Variants in RASSF5 observed in about 807,000 individuals in gnomAD.
RASSF5 encodes the protein Ras association domain family member 5.
In RASSF5, 25 loss-of-function variants were observed where a neutral mutation model predicts 40.5. The observed-to-expected ratio is 0.62, with a 90% CI of 0.45 to 0.86. The LOEUF is 0.86. Ranked by LOEUF, RASSF5 falls within the 40% of genes least tolerant of loss-of-function variation. The pLI, the probability that RASSF5 is intolerant of heterozygous loss-of-function variation, is 0.00. For missense variants in RASSF5, 521 were observed against 572.8 expected (o/e 0.91, Z 0.92); for synonymous variants, 246 against 252.4 (o/e 0.97, Z 0.24).
chr1:206,581,636 G>GGA (rs1241313149), intron 2 of RASSF5, among the ~76,000 whole-genome samples: 14 of 150,636 alleles, frequency 9.3e-5, no homozygotes, highest in African/African-American at 2.9e-4. Context: ...GAGAGAGGGG[G>GGA]GAGAGAGAGA....
At chr1:206,544,980 A>C (rs1449335974) in intron 2 of RASSF5, 1 of 151,240 alleles carries the variant, frequency 6.6e-6, no homozygotes, top group East Asian at 1.9e-4. Flanking sequence ...CACGTGGGGG[A>C]GCCAGAGAGC....
chr1:206,584,717 C>T lies in RASSF5; in HGVS notation c.988+33C>T. On this transcript the variant is annotated intron_variant, in intron 4 of 5. Coordinates refer to ENST00000579436, the MANE Select transcript of RASSF5 (RefSeq NM_182663.4). The surrounding 1 kb of genome is among the most constrained non-coding windows in gnomAD (Gnocchi z 4.9). The stretch of plus-strand genomic sequence containing the variant: ...AAAGAGTGAACCCAACCAGACCGTT[C>T]CCTTCCTACCTGTGTCCAAGCCCAC... 1 of 1,611,472 alleles carries T rather than the reference C, an allele frequency of 6.2e-7. No homozygotes were observed. Among genetic ancestry groups the T allele is most frequent in the Non-Finnish European group, 8.5e-7 (1 of 1,178,182 alleles).
intron 2 of RASSF5, among the ~76,000 whole-genome samples, chr1:206,570,986 G>T (rs1487339266): frequency 6.6e-6 from 1 of 152,130 alleles, no homozygotes; most frequent in Non-Finnish European, 1.5e-5. Context: ...TGGTAATTCT[G>T]TTTAATTTTT....
At chr1:206,542,303 T>C (rs1572324353) in intron 2 of RASSF5, 2 of 152,192 alleles carry the variant, frequency 1.3e-5, no homozygotes, top group African/African-American at 4.8e-5. Context: ...CCTGCAATAA[T>C]GAATGAGCTC....
At chr1:206,518,365 A>T in intron 1 of RASSF5, 1 of 398,616 alleles carries the variant, frequency 2.5e-6, no homozygotes. Context: ...CCTGGAGAAA[A>T]GCTATTGATC....
At position 206,579,889 on chromosome 1, in the gene RASSF5, T is replaced by C. The variant is rs528797042; in HGVS notation, c.580-3380T>C. Among the ~76,000 whole-genome samples the C allele has an allele frequency of 2.0e-5, 3 of 152,286 alleles. No individual in the cohort carries two copies. The highest frequency in any genetic ancestry group is 4.8e-5 in the African/African-American group (2 of 41,572). ...CTAATTCAGGAGGTGATTCATTTGG[T>C]CCATGGGTCACATCTTGTCTGCCAG... On this transcript the variant is annotated intron_variant, in intron 2 of 5. Transcript: ENST00000579436. This position sits in a 1 kb window ranked among gnomAD's most constrained non-coding sequence, Gnocchi z 4.2.
intron 1 of RASSF5, among the ~76,000 whole-genome samples, chr1:206,528,676 G>A (rs1427185216): frequency 6.6e-6 from 1 of 152,080 alleles, no homozygotes; most frequent in African/African-American, 2.4e-5. Flanking sequence ...GGGGTATAAA[G>A]GAACTTTCTG....
intron 1 of RASSF5, among the ~76,000 whole-genome samples, chr1:206,527,094 C>T (rs1553397321): frequency 6.6e-6 from 1 of 152,188 alleles, no homozygotes; most frequent in Non-Finnish European, 1.5e-5. Flanking sequence ...CAGGCTCAAA[C>T]CCTGATTCAT....
At chr1:206,518,907 A>G (rs1666832196) in intron 1 of RASSF5, among the ~76,000 whole-genome samples, 1 of 151,314 alleles carries the variant, frequency 6.6e-6, no homozygotes, top group East Asian at 1.9e-4. Flanking sequence ...CATTCTGCCT[A>G]TCCTGTAGCC....
chr1:206,522,207 G>A (rs1558497506), intron 1 of RASSF5, among the ~76,000 whole-genome samples: 1 of 152,110 alleles, frequency 6.6e-6, no homozygotes, highest in African/African-American at 2.4e-5. Flanking sequence ...TGAGCTATGG[G>A]AGGCCCTCAG....
At chr1:206,518,047 C>T (rs1307999434) in intron 1 of RASSF5, among the ~76,000 whole-genome samples, 4 of 152,196 alleles carry the variant, frequency 2.6e-5, no homozygotes, top group African/African-American at 9.7e-5. Flanking sequence ...TCACTTCTGT[C>T]GTCTGAAACT....
At position 206,583,090 on chromosome 1, in the gene RASSF5, C is replaced by A. The variant is rs781879968; in HGVS notation, c.580-179C>A. On this transcript the variant is annotated intron_variant, in intron 2 of 5. Transcript: ENST00000579436. ...TACTTCTCCAGGAGGGCTGGCTAGA[C>A]ACTGGCACAGCTGCAATTTGACCTC... 7.2e-6 allele frequency: 4 copies of A among 552,912 alleles called. No individual in the cohort carries two copies. In the South Asian group the frequency reaches 7.8e-5, roughly 11 times the overall value. 34.3% of individuals were successfully genotyped at this position (552,912 alleles called of 1,614,324 possible).
In RASSF5 at chr1:206,528,438, G is replaced by A. The variant is rs1001839546; in HGVS notation, c.458-9734G>A. On this transcript the variant is annotated intron_variant, in intron 1 of 5. Transcript: ENST00000579436. ...GGGATAAATAGGCAGAGCACAGCGGGTTTTTAGGGCAGCGAAACTACCCTG... is the reference window on the plus strand; with the variant it reads ...GGGATAAATAGGCAGAGCACAGCGGATTTTTAGGGCAGCGAAACTACCCTG... Among the ~76,000 whole-genome samples, 12 of 152,242 alleles carry A rather than the reference G, an allele frequency of 7.9e-5. No individual in the cohort carries two copies. The East Asian group carries it at 2.3e-3, about 29-fold the overall frequency.
At position 206,583,285 on chromosome 1, in the gene RASSF5, T is replaced by C. The variant is rs1331153170; in HGVS notation, c.596T>C (p.Val199Ala). Residue 199 changes from valine (V) to alanine (A), a missense_variant, in exon 3 of 6, where the codon GTG becomes GCG. Physicochemically the swap from Val to Ala is moderately conservative, Grantham distance 64. Around this residue, in one of 2 missense-constraint regions of RASSF5, gnomAD observed 284 missense variants for 360.8 expected, o/e 0.79. Transcript: ENST00000579436. ...VTFSQNVCKP[V>A]EETQRPPTLQ... ...CTCTTCCAGAATGTCTGTAAACCTG[T>C]GGAGGAGACACAGCGCCCGCCCACA... The C allele has an allele frequency of 6.2e-7, 1 of 1,612,484 alleles. No individual in the cohort carries two copies. The highest frequency in any genetic ancestry group is 1.3e-5 in the African/African-American group (1 of 74,910).
At chr1:206,526,133 C>T (rs781942243) in intron 1 of RASSF5, among the ~76,000 whole-genome samples, 42 of 152,332 alleles carry the variant, frequency 2.8e-4, no homozygotes, top group Non-Finnish European at 5.9e-4. Context: ...CTCACAGAGA[C>T]GACAGCCCCT....
chr1:206,566,454 A>C (rs1321187015), intron 2 of RASSF5, among the ~76,000 whole-genome samples: 9 of 152,096 alleles, frequency 5.9e-5, no homozygotes, highest in Non-Finnish European at 1.0e-4. Context: ...ACCCCTCATT[A>C]TCCTCCTCAT....
intron 2 of RASSF5, among the ~76,000 whole-genome samples, chr1:206,547,082 G>A (rs1282016074): frequency 6.6e-6 from 1 of 152,072 alleles, no homozygotes; most frequent in Non-Finnish European, 1.5e-5. Context: ...ACCAGCCTGG[G>A]CAACATAGTG....
Position 206,563,601 on chromosome 1 carries a change from C to A in RASSF5, c.580-19668C>A, listed in dbSNP as rs76204252. On this transcript the variant is annotated intron_variant, in intron 2 of 5. Transcript: ENST00000579436. The stretch of plus-strand genomic sequence containing the variant: ...AGAATGGAGTTTCAGGGGCCCTACT[C>A]CAGAGCTACTGGCTCCTGAATCTTT... Among the ~76,000 whole-genome samples the A allele has an allele frequency of 5.6e-3, 847 of 152,316 alleles. 6 individuals are homozygous for A. The highest frequency in any genetic ancestry group is 0.02 in the African/African-American group (826 of 41,570).
intron 2 of RASSF5, among the ~76,000 whole-genome samples, chr1:206,553,318 G>T (rs1294857831): frequency 2.6e-5 from 4 of 152,162 alleles, no homozygotes; most frequent in Non-Finnish European, 5.9e-5. Context: ...AATCTGAATG[G>T]AAGTTGTTAT....
Sources: gnomAD v4.1 joint callset for allele counts (sites outside exome capture counted in the v4.1 genomes callset) on GRCh38, gnomAD v4.1.1 for gene constraint, gnomAD v4.1.1 regional missense constraint, Gnocchi (gnomAD v3.1) non-coding constraint, MANE v1.5 for transcripts, NCBI Gene and HGNC (gene_info 2026-07-23, HGNC 2026-07-21) for gene names.